The following TNRC6B variants were observed in gnomAD, a reference collection of about 807,000 sequenced individuals.
TNRC6B encodes trinucleotide repeat-containing gene 6B protein.
In TNRC6B, 52 loss-of-function variants were observed where a neutral mutation model predicts 203.6. The observed-to-expected ratio is 0.26, with a 90% CI of 0.20 to 0.32. TNRC6B has a LOEUF of 0.32. Ranked by LOEUF, TNRC6B falls within the 10% of genes least tolerant of loss-of-function variation. The pLI is 1.00. For synonymous variants in TNRC6B, 838 were observed against 845.7 expected (o/e 0.99, Z 0.16); for missense variants, 1,923 against 2,286.2 (o/e 0.84, Z 3.24).
At chr22:40,223,782 A>T (rs921059488) in intron 1 of TNRC6B, among the ~76,000 whole-genome samples, 4 of 152,194 alleles carry the variant, frequency 2.6e-5, no homozygotes, top group Non-Finnish European at 5.9e-5. Context: ...ATACATACTT[A>T]AAAATAGGAT....
intron 2 of TNRC6B, among the ~76,000 whole-genome samples, chr22:40,248,445 A>G (rs1423222468): frequency 6.6e-6 from 1 of 152,250 alleles, no homozygotes; most frequent in Non-Finnish European, 1.5e-5. Context: ...GATGCCAAAC[A>G]GAGTGATTTA....
chr22:40,273,403 T>G, intron 6 of TNRC6B, 22 bp from the exon 7 acceptor site: 1 of 1,573,324 alleles, frequency 6.4e-7, no homozygotes, highest in Non-Finnish European at 8.6e-7. Flanking sequence ...TTGCAAAGAG[T>G]TAATTCATTC....
At chr22:40,222,728 C>CTTTTTTTTTTTTTTA (rs2069728511) in intron 1 of TNRC6B, among the ~76,000 whole-genome samples, 1 of 40,184 alleles carries the variant, frequency 2.5e-5, no homozygotes. Context: ...CTCTCTCTCT[C>CTTTTTTTTTTTTTTA]TTTTTTTTTT....
chr22:40,095,067 C>T (rs1390002013), intron 1 of TNRC6B, among the ~76,000 whole-genome samples: 2 of 152,026 alleles, frequency 1.3e-5, no homozygotes, highest in Admixed American at 6.6e-5. Flanking sequence ...TTCATGAGGC[C>T]GTACACTCCA....
chr22:40,114,856 A>C (rs1027789930), intron 1 of TNRC6B, among the ~76,000 whole-genome samples: 7 of 152,000 alleles, frequency 4.6e-5, no homozygotes, highest in Non-Finnish European at 8.8e-5. Context: ...TTGTGGAGGA[A>C]TTTGCCGCTA....
intron 1 of TNRC6B, among the ~76,000 whole-genome samples, chr22:40,230,282 C>CT (rs56122256): frequency 0.016 from 1,502 of 94,456 alleles, 16 homozygotes; most frequent in South Asian, 0.029. Flanking sequence ...TGCCCATCTT[C>CT]TTTTTTTTTT....
chr22:40,218,207 T>G (rs2069660759), intron 1 of TNRC6B, among the ~76,000 whole-genome samples: 1 of 151,836 alleles, frequency 6.6e-6, no homozygotes, highest in Admixed American at 6.6e-5. Context: ...TTTTTTTATA[T>G]AATAACTCAT....
At chr22:40,213,758 G>T (rs2069595220) in intron 1 of TNRC6B, among the ~76,000 whole-genome samples, 1 of 152,202 alleles carries the variant, frequency 6.6e-6, no homozygotes, top group African/African-American at 2.4e-5. Context: ...GCTTTGGAAA[G>T]ATGCCAAGAT....
At chr22:40,168,703 T>G (rs2068943618) in intron 4 of TNRC6B, among the ~76,000 whole-genome samples, 3 of 152,332 alleles carry the variant, frequency 2.0e-5, no homozygotes, top group Admixed American at 2.0e-4. Flanking sequence ...TGCTTAGCTC[T>G]CCCATTGACA....
intron 1 of TNRC6B, among the ~76,000 whole-genome samples, chr22:40,230,774 G>T (rs921171533): frequency 2.0e-5 from 3 of 151,928 alleles, no homozygotes; most frequent in Non-Finnish European, 4.4e-5. Flanking sequence ...TTTCTTTTAT[G>T]AATCATGTTT....
chr22:40,157,339 T>A (rs1039666311), intron 4 of TNRC6B, among the ~76,000 whole-genome samples: 1 of 152,176 alleles, frequency 6.6e-6, no homozygotes, highest in Non-Finnish European at 1.5e-5. Context: ...ACAGAGAAAC[T>A]TCTCTCATTC....
At chr22:40,304,854 A>G (rs2071070090) in intron 15 of TNRC6B, among the ~76,000 whole-genome samples, 1 of 152,250 alleles carries the variant, frequency 6.6e-6, no homozygotes, top group Non-Finnish European at 1.5e-5. Context: ...GAGTAATTGT[A>G]TCTATGCTGC....
chr22:40,183,556 T>G (rs2069163058), intron 1 of TNRC6B, among the ~76,000 whole-genome samples: 1 of 152,202 alleles, frequency 6.6e-6, no homozygotes, highest in Non-Finnish European at 1.5e-5. Context: ...CATCAGAAGG[T>G]TCTCAGCAAT....
chr22:40,264,884 C>T lies in TNRC6B; in HGVS notation c.654C>T (p.Asn218=). The change falls in exon 5 of 23, where the codon AAC becomes AAT. Residue 218 remains asparagine, a synonymous_variant. Coordinates refer to ENST00000454349, the MANE Select transcript of TNRC6B (RefSeq NM_001162501.2). ...TESSSENTTD[N]NSASNPGSEK... ...CTTCTTCCGAAAACACCACCGATAA[C>T]AACAGTGCCTCGAACCCTGGCTCTG... 1 of 1,613,930 alleles carries T rather than the reference C, an allele frequency of 6.2e-7. No individual in the cohort carries two copies. The highest frequency in any genetic ancestry group is 1.6e-4 in the Middle Eastern group (1 of 6,062).
rs191635693 is a variant in TNRC6B at position 40,083,042 on chromosome 22, A to G, written c.-120-34013A>G. ...AAATATGAAGGTTTTCATTATAAAGACAATAATAAAAGCCATGAGAATGGA... is the reference window on the plus strand; with the variant it reads ...AAATATGAAGGTTTTCATTATAAAGGCAATAATAAAAGCCATGAGAATGGA... On this transcript the variant is annotated intron_variant, in intron 1 of 23. Transcript: ENST00000301923. 2.2e-4 allele frequency among the ~76,000 whole-genome samples: 33 copies of G among 152,360 alleles called. 1 individual carries two copies. In the East Asian group the frequency reaches 6.2e-3, roughly 28 times the overall value.
intron 2 of TNRC6B, among the ~76,000 whole-genome samples, chr22:40,247,894 C>A (rs564592043): frequency 6.6e-6 from 1 of 152,178 alleles, no homozygotes; most frequent in East Asian, 1.9e-4. Flanking sequence ...AACATGAAAA[C>A]CCCGTCTCTA....
chr22:40,247,523 A>G (rs1294368603), intron 2 of TNRC6B, among the ~76,000 whole-genome samples: 1 of 152,220 alleles, frequency 6.6e-6, no homozygotes, highest in Non-Finnish European at 1.5e-5. Flanking sequence ...TGTCCCTGCT[A>G]TGTTAAATAT....
chr22:40,321,558 C>T (rs2046224713), intron 22 of TNRC6B: 2 of 224,180 alleles, frequency 8.9e-6, no homozygotes, highest in Admixed American at 9.8e-5. Context: ...GAGGCCAAGG[C>T]GGGCAGATCA....
intron 1 of TNRC6B, among the ~76,000 whole-genome samples, chr22:40,092,487 G>GAAAT (rs141155799): frequency 0.044 from 6,667 of 152,034 alleles, 440 homozygotes; most frequent in African/African-American, 0.14. Flanking sequence ...ATATTTTAAG[G>GAAAT]AAATTGTGTT....
Sources: gnomAD v4.1 joint callset for allele counts (sites outside exome capture counted in the v4.1 genomes callset) on GRCh38, gnomAD v4.1.1 for gene constraint, MANE v1.5 for transcripts, NCBI Gene and HGNC (gene_info 2026-07-23, HGNC 2026-07-21) for gene names.